CCDC180: variants seen among roughly 807,000 people sequenced by gnomAD.
CCDC180 encodes coiled-coil domain containing 180, also known as coiled-coil domain-containing protein 180.
Under a neutral mutation model 209.2 loss-of-function variants are expected in CCDC180, and 154 were observed. That is an observed-to-expected ratio of 0.74 (90% CI 0.65 to 0.84). The LOEUF is 0.84. Ranked by LOEUF, CCDC180 falls within the 40% of genes least tolerant of loss-of-function variation. CCDC180 has a pLI of 0.00. For missense variants in CCDC180, 1,874 were observed against 1,997.3 expected (o/e 0.94, Z 1.18); for synonymous variants, 778 against 749.1 (o/e 1.04, Z -0.63).
At chr9:97,333,305 C>T (rs1825802147) in intron 18 of CCDC180, among the ~76,000 whole-genome samples, 1 of 152,098 alleles carries the variant, frequency 6.6e-6, no homozygotes, top group Non-Finnish European at 1.5e-5. Context: ...CAATGTTAAT[C>T]AAGGATATTG....
chr9:97,347,689 G>C, intron 20 of CCDC180, 200 bp downstream of exon 20: 1 of 529,096 alleles, frequency 1.9e-6, no homozygotes, highest in Non-Finnish European at 3.3e-6. Context: ...ATCCTTCTGT[G>C]AGATTTTTTT....
chr9:97,347,652 G>C, intron 20 of CCDC180, 163 bp downstream of exon 20: 1 of 641,006 alleles, frequency 1.6e-6, no homozygotes, highest in Non-Finnish European at 2.5e-6. Flanking sequence ...GCACCTCTGA[G>C]GCTTGCAGAA....
intron 3 of CCDC180, among the ~76,000 whole-genome samples, chr9:97,310,667 G>A (rs898984524): frequency 1.3e-5 from 2 of 152,104 alleles, no homozygotes; most frequent in Non-Finnish European, 2.9e-5. Context: ...TGCCTGTCTT[G>A]GTTGTTCCTT....
rs772902905 is a variant in CCDC180 at position 97,314,519 on chromosome 9, C to T, written c.586C>T (p.Gln196Ter). The T allele has an allele frequency of 3.1e-6, 5 of 1,613,980 alleles. No homozygotes were observed. The African/African-American group carries it at 6.7e-5, about 22-fold the overall frequency. The change falls in exon 6 of 37, where the codon CAA (glutamine) becomes TAA (stop). Residue 196 changes from glutamine (Q) to a stop codon, truncating the protein, a stop_gained and splice_region_variant. Transcript: ENST00000529487. LOFTEE classifies it high-confidence loss of function. ...NDTNLEDYTI[Q>*]ALLELWDKVA... ...CACCAACCTTGAGGACTACACCATC[C>T]AAGTAGGGGTCCCTTCGTGGCTGGG...
At chr9:97,312,357 T>G (rs1833017724) in intron 4 of CCDC180, among the ~76,000 whole-genome samples, 156 bp downstream of exon 4, 1 of 148,292 alleles carries the variant, frequency 6.7e-6, no homozygotes, top group Non-Finnish European at 1.5e-5. Context: ...TCCCTGAGCA[T>G]CTCAGCCAAG....
chr9:97,322,748 A>G lies in CCDC180; in HGVS notation c.1160-85A>G, dbSNP rs1410449607. On this transcript the variant is annotated intron_variant, in intron 11 of 36. Coordinates refer to ENST00000529487, the MANE Select transcript of CCDC180 (RefSeq NM_020893.6). ...CCTAAATAAATGTTGCTGTGGAGGC[A>G]TTTTGCTCCTTTGCAAAGGGGACAC... The G allele has an allele frequency of 3.5e-6, 4 of 1,153,192 alleles. No individual in the cohort carries two copies. In the Admixed American group the frequency reaches 5.1e-5, roughly 15 times the overall value. The allele number at this position is 1,153,192 out of a possible 1,614,324, so 71.4% of individuals were successfully genotyped here. A position where few individuals can be genotyped will look rare whatever the true frequency, so the allele number is the denominator to read the frequency against.
In CCDC180 at chr9:97,314,710, G is replaced by T; in HGVS notation, c.681G>T (p.Glu227Asp). Residue 227 changes from glutamate (E) to aspartate (D), a missense_variant, in exon 7 of 37, where the codon GAG becomes GAT. Transcript: ENST00000529487. ...KELDEALHSL[E>D]FSRTDKLKSV... ...TGGATGAGGCCCTGCACTCGCTGGA[G>T]TTCTCCCGAACCGATAAAGTAAGTC... The T allele has an allele frequency of 6.2e-7, 1 of 1,613,946 alleles. No individual in the cohort carries two copies. The highest frequency in any genetic ancestry group is 8.5e-7 in the Non-Finnish European group (1 of 1,179,962).
At chr9:97,326,798 A>C (rs140012778) in intron 15 of CCDC180, 129 bp downstream of exon 15, 1 of 629,156 alleles carries the variant, frequency 1.6e-6, no homozygotes, top group Admixed American at 2.5e-5. Flanking sequence ...CACTTTAGAA[A>C]GCATGTGGCC....
intron 2 of CCDC180, among the ~76,000 whole-genome samples, chr9:97,308,499 C>T (rs1320601560): frequency 6.6e-6 from 1 of 152,172 alleles, no homozygotes; most frequent in East Asian, 1.9e-4. Context: ...ATAACAGTAT[C>T]TCACAGACCC....
At chr9:97,354,866 C>T (rs756195806) in intron 23 of CCDC180, 26 bp from the exon 24 acceptor site, 9 of 1,580,982 alleles carry the variant, frequency 5.7e-6, no homozygotes, top group Middle Eastern at 1.7e-4. Flanking sequence ...AAGCCCCTGT[C>T]CTTTACCCTT....
In CCDC180 at chr9:97,326,597, A is replaced by G; in HGVS notation, c.1589A>G (p.Gln530Arg). 6.2e-7 allele frequency: 1 copy of G among 1,614,082 alleles called. No homozygotes were observed. Among genetic ancestry groups the G allele is most frequent in the Non-Finnish European group, 8.5e-7 (1 of 1,179,932 alleles). Residue 530 changes from glutamine (Q) to arginine (R), a missense_variant, in exon 15 of 37, where the codon CAG becomes CGG. Coordinates refer to ENST00000529487, the MANE Select transcript of CCDC180 (RefSeq NM_020893.6). ...HLDRLLDQLR[Q>R]QSDKETLAFH... is the part of the protein sequence containing the mutation. ...GATAGGCTCTTGGACCAACTGAGGCAGCAAAGTGACAAAGAAACACTGGCG... is the reference window on the plus strand; with the variant it reads ...GATAGGCTCTTGGACCAACTGAGGCGGCAAAGTGACAAAGAAACACTGGCG...
chr9:97,315,063 C>T (rs546647317), intron 8 of CCDC180, 117 bp downstream of exon 8: 48 of 731,674 alleles, frequency 6.6e-5, no homozygotes, highest in Admixed American at 1.5e-4. Flanking sequence ...TCATCTATAA[C>T]GTTTCTAAGG....
In CCDC180 at chr9:97,330,702, A is replaced by AGGAGG. The variant is rs764313276; in HGVS notation, c.2209_2210insGGAGG (p.Lys737ArgfsTer32). On this transcript the variant is annotated frameshift_variant, in exon 18 of 37. Transcript: ENST00000529487. LOFTEE classifies it high-confidence loss of function. ...GAAGGAGGAAGAGGAGGAGGAGGAG[A>AGGAGG]AGCTGGAGGAAGAGAAGGAGGAGAA... 8.2e-7 allele frequency: 1 copy of AGGAGG among 1,212,562 alleles called. No individual in the cohort carries two copies. Among genetic ancestry groups the AGGAGG allele is most frequent in the Non-Finnish European group, 1.1e-6 (1 of 908,778 alleles). 75.1% of individuals were successfully genotyped at this position (1,212,562 alleles called of 1,614,324 possible). A position where few individuals can be genotyped will look rare whatever the true frequency, so the allele number is the denominator to read the frequency against.
Position 97,350,412 on chromosome 9 carries a change from G to C in CCDC180, c.2859G>C (p.Leu953=). 1 of 1,535,266 alleles carries C rather than the reference G, an allele frequency of 6.5e-7. No homozygotes were observed. The highest frequency in any genetic ancestry group is 8.7e-7 in the Non-Finnish European group (1 of 1,146,924). ...GTTCCTCCTCTGTCTCCCACAGGCT[G>C]GTCACTCTCAGCAACACACTGCACC... ...IFLNATRSQK[L]VTLSNTLHQE... is the part of the protein sequence containing the mutation. The change falls in exon 22 of 37, where the codon CTG becomes CTC. Residue 953 remains leucine, a synonymous_variant. Coordinates refer to ENST00000529487, the MANE Select transcript of CCDC180 (RefSeq NM_020893.6).
At chr9:97,348,342 C>T (rs1015328267) in intron 20 of CCDC180, among the ~76,000 whole-genome samples, 3 of 152,182 alleles carry the variant, frequency 2.0e-5, no homozygotes, top group African/African-American at 7.2e-5. Flanking sequence ...CATTTGGAAC[C>T]TCATTGTTCT....
At chr9:97,352,945 G>GTA (rs538679980) in intron 22 of CCDC180, among the ~76,000 whole-genome samples, 4,555 of 136,314 alleles carry the variant, frequency 0.033, 138 homozygotes, top group East Asian at 0.091. Flanking sequence ...ATATACGTAT[G>GTA]TATATATATA....
rs1587826024 is a variant in CCDC180 at position 97,357,622 on chromosome 9, T to C, written c.3265-5T>C. ...AACAAAATCTCGGAACCTCTGGTTT[T>C]CTAGGTGGCAAAATCCAATTCGCAA... is the stretch of plus-strand genomic sequence containing the variant. On this transcript the variant is annotated splice_region_variant and splice_polypyrimidine_tract_variant and intron_variant, in intron 24 of 36. Coordinates refer to ENST00000529487, the MANE Select transcript of CCDC180 (RefSeq NM_020893.6). 3 of 1,608,188 alleles carry C rather than the reference T, an allele frequency of 1.9e-6. No individual in the cohort carries two copies. Among genetic ancestry groups the C allele is most frequent in the East Asian group, 2.2e-5 (1 of 44,826 alleles).
chr9:97,370,566 A>C, intron 32 of CCDC180, 75 bp from the exon 33 acceptor site: 3 of 1,533,492 alleles, frequency 2.0e-6, no homozygotes, highest in Non-Finnish European at 2.7e-6. Flanking sequence ...CCATAATCAT[A>C]ATTGACAGAA....
intron 34 of CCDC180, chr9:97,373,530 G>A (rs927832000): frequency 2.0e-5 from 3 of 152,238 alleles, no homozygotes; most frequent in Non-Finnish European, 2.9e-5. Flanking sequence ...GCGCTTTTGC[G>A]ACCTGATTTC....
Sources: allele counts gnomAD v4.1 joint callset (sites outside exome capture counted in the v4.1 genomes callset), GRCh38; gene constraint gnomAD v4.1.1; transcripts MANE v1.5; gene names NCBI Gene and HGNC (gene_info 2026-07-23, HGNC 2026-07-21).